ARHGAP15: variants seen among roughly 807,000 people sequenced by gnomAD.
ARHGAP15 encodes the protein rho GTPase-activating protein 15.
A neutral mutation model predicts 63.7 loss-of-function variants in ARHGAP15; 51 were observed. The observed-to-expected ratio is 0.80, with a 90% CI of 0.64 to 1.01. ARHGAP15 has a LOEUF of 1.01. ARHGAP15 is among the 50% of genes least tolerant of loss of function. The pLI is 0.00. For synonymous variants in ARHGAP15, 191 were observed against 193.8 expected (o/e 0.99, Z 0.12); for missense variants, 560 against 564.6 (o/e 0.99, Z 0.08).
chr2:143,512,544 G>A (rs1409654225), intron 9 of ARHGAP15, among the ~76,000 whole-genome samples: 1 of 152,214 alleles, frequency 6.6e-6, no homozygotes, highest in East Asian at 1.9e-4. Context: ...TGTAAGCAGT[G>A]GATCCCATTG....
Position 143,218,472 on chromosome 2 carries a change from G to A in ARHGAP15, c.296+2027G>A, listed in dbSNP as rs1221419244. ...AGACCTTCATTTTAATGTATTTAAT[G>A]TGTGTTTATCAAACTCATTCTCCAT... On this transcript the variant is annotated intron_variant, in intron 4 of 13. Coordinates refer to ENST00000295095, the MANE Select transcript of ARHGAP15 (RefSeq NM_018460.4). Among the ~76,000 whole-genome samples, 4 of 151,760 alleles carry A rather than the reference G, an allele frequency of 2.6e-5. No individual in the cohort carries two copies. In the East Asian group the frequency reaches 7.7e-4, roughly 29 times the overall value.
At chr2:143,170,308 A>G (rs1690720875) in intron 2 of ARHGAP15, among the ~76,000 whole-genome samples, 2 of 152,112 alleles carry the variant, frequency 1.3e-5, no homozygotes, top group African/African-American at 2.4e-5. Context: ...ACAAATGTTT[A>G]CCATGTGGGG....
chr2:143,605,858 C>CAAAAAAAAAAAAAAAAAAA (rs373847590), intron 11 of ARHGAP15, among the ~76,000 whole-genome samples: 14 of 85,304 alleles, frequency 1.6e-4, no homozygotes, highest in Admixed American at 6.2e-4. Context: ...TACTAAAATA[C>CAAAAAAAAAAAAAAAAAAA]AAAAAAAAAA....
intron 6 of ARHGAP15, among the ~76,000 whole-genome samples, chr2:143,313,230 C>T (rs1683529876): frequency 1.3e-5 from 2 of 152,110 alleles, no homozygotes; most frequent in African/African-American, 2.4e-5. Flanking sequence ...AAGTCCACTG[C>T]ACTACCGAGT....
chr2:143,673,758 G>GTGTGTGTGTATATATATATA (rs1553520615), intron 12 of ARHGAP15, among the ~76,000 whole-genome samples: 1 of 22,128 alleles, frequency 4.5e-5, no homozygotes, highest in African/African-American at 8.1e-5. Flanking sequence ...GTGTGTGTGT[G>GTGTGTGTGTATATATATATA]TATATATATA....
At chr2:143,708,590 G>T (rs1684435130) in intron 13 of ARHGAP15, among the ~76,000 whole-genome samples, 2 of 151,824 alleles carry the variant, frequency 1.3e-5, no homozygotes, top group Admixed American at 1.3e-4. Context: ...CACCCTGTCA[G>T]CCTGGCTGGC....
chr2:143,699,099 T>C (rs1683974050), intron 12 of ARHGAP15, among the ~76,000 whole-genome samples: 2 of 152,178 alleles, frequency 1.3e-5, no homozygotes, highest in Non-Finnish European at 2.9e-5. Context: ...TGATTCCAAT[T>C]CCTAATATGA....
intron 6 of ARHGAP15, among the ~76,000 whole-genome samples, chr2:143,408,394 G>A (rs1000605773): frequency 2.7e-5 from 4 of 150,930 alleles, no homozygotes; most frequent in African/African-American, 9.7e-5. Flanking sequence ...CTGAAACTCT[G>A]GACCACACTA....
rs77020475 is a variant in ARHGAP15, at chr2:143,507,321, G to A, written c.827-11945G>A. ...ACCAGATACTATTTTACTGAACTCCGTACTTCCAGGAGTTAGAAAGAAATA... is the reference window on the plus strand; with the variant it reads ...ACCAGATACTATTTTACTGAACTCCATACTTCCAGGAGTTAGAAAGAAATA... On this transcript the variant is annotated intron_variant, in intron 9 of 13. Coordinates refer to ENST00000295095, the MANE Select transcript of ARHGAP15 (RefSeq NM_018460.4). Among the ~76,000 whole-genome samples, 225 of 152,070 alleles carry A rather than the reference G, an allele frequency of 1.5e-3. 1 individual carries two copies. Among genetic ancestry groups the A allele is most frequent in the African/African-American group, 5.3e-3 (219 of 41,480 alleles).
At chr2:143,548,306 C>T (rs1005103400) in intron 10 of ARHGAP15, among the ~76,000 whole-genome samples, 2 of 151,974 alleles carry the variant, frequency 1.3e-5, no homozygotes, top group African/African-American at 4.8e-5. Context: ...AAAGCATTCT[C>T]CTTTCTGATT....
intron 3 of ARHGAP15, among the ~76,000 whole-genome samples, chr2:143,210,311 A>G (rs1692516322): frequency 6.6e-6 from 1 of 151,352 alleles, no homozygotes; most frequent in South Asian, 2.1e-4. Context: ...TGTTTCCCAA[A>G]CAGAACCTGG....
intron 2 of ARHGAP15, chr2:143,171,935 T>C (rs1690797337): frequency 6.6e-6 from 1 of 152,168 alleles, no homozygotes; most frequent in Admixed American, 6.6e-5. Context: ...GACACAGGTT[T>C]ATCATTTTTC....
intron 6 of ARHGAP15, among the ~76,000 whole-genome samples, chr2:143,355,436 T>G (rs1443519546): frequency 1.3e-5 from 2 of 152,194 alleles, no homozygotes; most frequent in African/African-American, 4.8e-5. Flanking sequence ...CCTTTTTATG[T>G]TCACCATCTT....
At chr2:143,585,991 A>G (rs1488207740) in intron 11 of ARHGAP15, among the ~76,000 whole-genome samples, 2 of 152,146 alleles carry the variant, frequency 1.3e-5, no homozygotes, top group Non-Finnish European at 2.9e-5. Flanking sequence ...TAGTTTCTGA[A>G]TGTTTCACAG....
chr2:143,466,952 T>C (rs1033819430), intron 8 of ARHGAP15, among the ~76,000 whole-genome samples: 1 of 152,094 alleles, frequency 6.6e-6, no homozygotes, highest in African/African-American at 2.4e-5. Context: ...GGTTTTCCTT[T>C]TACTCTAAGA....
chr2:143,377,186 A>T (rs1042658313), intron 6 of ARHGAP15, among the ~76,000 whole-genome samples: 2 of 151,846 alleles, frequency 1.3e-5, no homozygotes, highest in African/African-American at 2.4e-5. Flanking sequence ...TAAATACTTT[A>T]AAAAAAATCC....
chr2:143,201,260 G>A (rs753241941), intron 2 of ARHGAP15, among the ~76,000 whole-genome samples: 3 of 151,356 alleles, frequency 2.0e-5, no homozygotes, highest in Non-Finnish European at 2.9e-5. Context: ...ACTGACTATA[G>A]GTGTGTGCCA....
intron 2 of ARHGAP15, 116 bp downstream of exon 2, chr2:143,155,771 GT>G (rs1397759308): frequency 6.5e-6 from 7 of 1,071,268 alleles, no homozygotes; most frequent in Non-Finnish European, 7.9e-6. Flanking sequence ...TGAGAAAACT[GT>G]TTTTGTAATG....
At chr2:143,409,608 T>G (rs1688359666) in intron 6 of ARHGAP15, among the ~76,000 whole-genome samples, 1 of 152,086 alleles carries the variant, frequency 6.6e-6, no homozygotes, top group Admixed American at 6.5e-5. Flanking sequence ...TGCATAACAA[T>G]GTTTTGATCA....
Sources: gnomAD v4.1 joint callset for allele counts (sites outside exome capture counted in the v4.1 genomes callset) on GRCh38, gnomAD v4.1.1 for gene constraint, MANE v1.5 for transcripts, NCBI Gene and HGNC (gene_info 2026-07-23, HGNC 2026-07-21) for gene names.